PLEKHG3: variants seen among roughly 807,000 people sequenced by gnomAD.
The protein encoded by PLEKHG3 is pleckstrin homology domain-containing family G member 3.
In PLEKHG3, 62 loss-of-function variants were observed where a neutral mutation model predicts 94.9. The observed-to-expected ratio is 0.65, with a 90% CI of 0.53 to 0.81. PLEKHG3 has a LOEUF of 0.81. PLEKHG3 is among the 30% of genes least tolerant of loss of function. PLEKHG3 has a pLI of 0.00. For synonymous variants in PLEKHG3, 614 were observed against 654.0 expected, an observed-to-expected ratio of 0.94 and a Z score of 0.93; for missense variants, 1,461 against 1,619.3, an observed-to-expected ratio of 0.90 and a Z score of 1.68.
chr14:64,711,658 T>G (rs2081068248), intron 1 of PLEKHG3, among the ~76,000 whole-genome samples: 1 of 152,172 alleles, frequency 6.6e-6, no homozygotes, highest in Admixed American at 6.5e-5. Flanking sequence ...GTGATGCGCC[T>G]GCCTTGGCCT....
At chr14:64,735,231 G>A (rs191539216) in intron 12 of PLEKHG3, among the ~76,000 whole-genome samples, 44 of 152,250 alleles carry the variant, frequency 2.9e-4, no homozygotes, top group Admixed American at 1.4e-3. Context: ...CCTCTTCACG[G>A]TTCTTCTGTA....
Position 64,722,775 on chromosome 14 carries a change from C to T in PLEKHG3, c.-39-4818C>T, listed in dbSNP as rs1348104664. Among the ~76,000 whole-genome samples, 2 of 152,298 alleles carry T rather than the reference C, an allele frequency of 1.3e-5. No homozygotes were observed. Among genetic ancestry groups the T allele is most frequent in the South Asian group, 4.1e-4 (2 of 4,826 alleles). Reference sequence around the variant, plus strand: ...GGTTCACCCCCAAGTGTCCTCTTCCCCTCTCCTGCCTTGTCCTCAACTCAC... The same window carrying T: ...GGTTCACCCCCAAGTGTCCTCTTCCTCTCTCCTGCCTTGTCCTCAACTCAC... On this transcript the variant is annotated intron_variant, in intron 1 of 16. Transcript: ENST00000247226. This position sits in a 1 kb window ranked among gnomAD's most constrained non-coding sequence, Gnocchi z 4.3.
rs1252282893 is a variant in PLEKHG3, at chr14:64,704,650, C to G, written c.-94C>G. The G allele has an allele frequency of 4.6e-5, 7 of 152,606 alleles. No individual in the cohort carries two copies. The highest frequency in any genetic ancestry group is 1.7e-4 in the African/African-American group (7 of 41,474). The allele number at this position is 152,606 out of a possible 1,614,324, so 9.5% of individuals were successfully genotyped here. A position where few individuals can be genotyped will look rare whatever the true frequency, so the allele number is the denominator to read the frequency against. ...ACTCGCGCCCGCGTCGCGGCAGCACCTGGGCAGCCCCGCACGCCGTGCGCG... is the reference window on the plus strand; with the variant it reads ...ACTCGCGCCCGCGTCGCGGCAGCACGTGGGCAGCCCCGCACGCCGTGCGCG... On this transcript the variant is annotated 5_prime_UTR_variant, in exon 1 of 17. Transcript: ENST00000247226. This position sits in a 1 kb window ranked among gnomAD's most constrained non-coding sequence, Gnocchi z 5.6.
intron 12 of PLEKHG3, 102 bp downstream of exon 12, chr14:64,733,003 G>A (rs955287447): frequency 4.2e-5 from 30 of 709,540 alleles, no homozygotes; most frequent in African/African-American, 4.1e-4. Flanking sequence ...TCACCTCTGC[G>A]GAAACCCTGG....
At position 64,743,624 on chromosome 14, in the gene PLEKHG3, G is replaced by GGGACCC. The variant is rs1373993346; in HGVS notation, c.3584_3589dup (p.Asp1195_Pro1196dup). ...TGCCAGCCGAAGGAAGAGGGTTCCA[G>GGGACCC]GGACCCGGCAGACCCGAGCCAGCAG... On this transcript the variant is annotated inframe_insertion, in exon 17 of 17. Coordinates refer to ENST00000247226, the MANE Select transcript of PLEKHG3 (RefSeq NM_001308147.2). This position sits in a 1 kb window ranked among gnomAD's most constrained non-coding sequence, Gnocchi z 7.2. 6.8e-6 allele frequency: 11 copies of GGGACCC among 1,612,504 alleles called. No homozygotes were observed. Among genetic ancestry groups the GGGACCC allele is most frequent in the Non-Finnish European group, 9.3e-6 (11 of 1,179,872 alleles).
In PLEKHG3 at chr14:64,727,655, C is replaced by A; in HGVS notation, c.24C>A (p.His8Gln). 3.1e-6 allele frequency: 5 copies of A among 1,612,226 alleles called. No homozygotes were observed. The highest frequency in any genetic ancestry group is 4.2e-6 in the Non-Finnish European group (5 of 1,179,400). The stretch of plus-strand genomic sequence containing the variant: ...GGATGCCTGTGTCCACCTCCCTCCA[C>A]CAGGATGGCAGCCAGGAGCGGCCGG... MPVSTSL[H>Q]QDGSQERPVS... The change falls in exon 2 of 17, where the codon CAC becomes CAA. Residue 8 changes from histidine (H) to glutamine (Q), a missense_variant. His to Gln is a conservative substitution (Grantham distance 24, BLOSUM62 0). This residue lies in a region of PLEKHG3 where 253 missense variants were observed against 297.8 expected (regional missense o/e 0.85). Coordinates refer to ENST00000247226, the MANE Select transcript of PLEKHG3 (RefSeq NM_001308147.2). This position sits in a 1 kb window ranked among gnomAD's most constrained non-coding sequence, Gnocchi z 6.0.
chr14:64,739,459 C>A lies in PLEKHG3; in HGVS notation c.1518+604C>A, dbSNP rs1445750007. On this transcript the variant is annotated intron_variant, in intron 15 of 16. Coordinates refer to ENST00000247226, the MANE Select transcript of PLEKHG3 (RefSeq NM_001308147.2). This position sits in a 1 kb window ranked among gnomAD's most constrained non-coding sequence, Gnocchi z 4.1. ...TATGCTGTCTGTGGGTTGTAGGAAG[C>A]AGCATCCTTTACTTTCCCAAAGTTA... Among the ~76,000 whole-genome samples the A allele has an allele frequency of 1.3e-5, 2 of 152,196 alleles. No homozygotes were observed. Among genetic ancestry groups the A allele is most frequent in the Non-Finnish European group, 2.9e-5 (2 of 68,032 alleles).
rs753532468 is a variant in PLEKHG3 at position 64,744,553 on chromosome 14, C to A, written c.*850C>A. ...GCTTTTTCTTTCTGCTGCCTAGACT[C>A]CCATGGGCTTCTCTGTCTAGCAGCA... On this transcript the variant is annotated 3_prime_UTR_variant, in exon 17 of 17. Coordinates refer to ENST00000247226, the MANE Select transcript of PLEKHG3 (RefSeq NM_001308147.2). The A allele has an allele frequency of 3.3e-5, 5 of 152,124 alleles. No individual in the cohort carries two copies. The highest frequency in any genetic ancestry group is 6.5e-5 in the Admixed American group (1 of 15,272). 9.4% of individuals were successfully genotyped at this position (152,124 alleles called of 1,614,324 possible).
In PLEKHG3 at chr14:64,721,009, C is replaced by A. The variant is rs560675665; in HGVS notation, c.-39-6584C>A. ...AGCCTTATGATCACATCAGGCCCAC[C>A]GGGCTAATCCAGGATAATCTTCCAT... On this transcript the variant is annotated intron_variant, in intron 1 of 16. Coordinates refer to ENST00000247226, the MANE Select transcript of PLEKHG3 (RefSeq NM_001308147.2). The surrounding 1 kb of genome is among the most constrained non-coding windows in gnomAD (Gnocchi z 4.3). 6.6e-6 allele frequency among the ~76,000 whole-genome samples: 1 copy of A among 152,320 alleles called. No individual in the cohort carries two copies. Among genetic ancestry groups the A allele is most frequent in the African/African-American group, 2.4e-5 (1 of 41,566 alleles).
chr14:64,707,125 G>C (rs2080984439), intron 1 of PLEKHG3, among the ~76,000 whole-genome samples: 1 of 152,218 alleles, frequency 6.6e-6, no homozygotes, highest in Admixed American at 6.5e-5. Context: ...TTGTTCCGTG[G>C]CTGCAAACCC....
In PLEKHG3 at chr14:64,749,611, AC is replaced by A. The variant is rs2081911617; in HGVS notation, c.*5913del. On this transcript the variant is annotated 3_prime_UTR_variant, in exon 17 of 17. Transcript: ENST00000247226. This position sits in a 1 kb window ranked among gnomAD's most constrained non-coding sequence, Gnocchi z 4.7. Reference sequence around the variant, plus strand: ...GCAAGCGGCCTGGGGTCCTCCACCTACCCCCTTCTTAGCCAGGTCTGGGCTA... The same window carrying A: ...GCAAGCGGCCTGGGGTCCTCCACCTACCCCTTCTTAGCCAGGTCTGGGCTA... 3.1e-6 allele frequency: 5 copies of A among 1,611,634 alleles called. No individual in the cohort carries two copies. Among genetic ancestry groups the A allele is most frequent in the Middle Eastern group, 1.6e-4 (1 of 6,062 alleles).
rs542185000 is a variant in PLEKHG3 at position 64,743,774 on chromosome 14, C to A, written c.*71C>A. 5 of 1,468,220 alleles carry A rather than the reference C, an allele frequency of 3.4e-6. No individual in the cohort carries two copies. The South Asian group carries it at 4.2e-5, about 12-fold the overall frequency. The allele number at this position is 1,468,220 out of a possible 1,614,324, so 90.9% of individuals were successfully genotyped here. On this transcript the variant is annotated 3_prime_UTR_variant, in exon 17 of 17. Coordinates refer to ENST00000247226, the MANE Select transcript of PLEKHG3 (RefSeq NM_001308147.2). This position sits in a 1 kb window ranked among gnomAD's most constrained non-coding sequence, Gnocchi z 7.2. ...GAACCTGGGCATCCTTCCCCTCAAG[C>A]CTGGGCTCATGGAGCCCCTGCCCAG...
In PLEKHG3 at chr14:64,748,252, C is replaced by T. The variant is rs189289047; in HGVS notation, c.*4549C>T. On this transcript the variant is annotated 3_prime_UTR_variant, in exon 17 of 17. Transcript: ENST00000247226. ...CAGCCATTACCCTCCAAAGTCCCAG[C>T]TGCAGACAGGATGCAATTGAGCATT... 6.7e-6 allele frequency: 1 copy of T among 149,910 alleles called. No individual in the cohort carries two copies. Among genetic ancestry groups the T allele is most frequent in the African/African-American group, 2.5e-5 (1 of 39,268 alleles). 9.3% of individuals were successfully genotyped at this position (149,910 alleles called of 1,614,324 possible).
At position 64,731,686 on chromosome 14, in the gene PLEKHG3, C is replaced by A; in HGVS notation, c.1033-28C>A. ...GCTTCCCCAGGCTGTCAACCTTGTGCTTGACTGTCCTTTCCCTCTGCCCCT... is the reference window on the plus strand; with the variant it reads ...GCTTCCCCAGGCTGTCAACCTTGTGATTGACTGTCCTTTCCCTCTGCCCCT... On this transcript the variant is annotated intron_variant, in intron 8 of 16. Coordinates refer to ENST00000247226, the MANE Select transcript of PLEKHG3 (RefSeq NM_001308147.2). This position sits in a 1 kb window ranked among gnomAD's most constrained non-coding sequence, Gnocchi z 6.1. 6.4e-7 allele frequency: 1 copy of A among 1,566,652 alleles called. No homozygotes were observed. Among genetic ancestry groups the A allele is most frequent in the Non-Finnish European group, 8.8e-7 (1 of 1,136,702 alleles).
rs2081677236 is a variant in PLEKHG3, at chr14:64,741,074, A to G, written c.1557A>G (p.Val519=). ...CTGAGGCTGGGAGTGAGCAAGAGGTATTTTCTGCTGTGGAAGGGCCCAGTG... is the reference window on the plus strand; with the variant it reads ...CTGAGGCTGGGAGTGAGCAAGAGGTGTTTTCTGCTGTGGAAGGGCCCAGTG... ...PDPEAGSEQE[V]FSAVEGPSAE... Residue 519 remains valine, a synonymous_variant, in exon 16 of 17, where the codon GTA becomes GTG. Coordinates refer to ENST00000247226, the MANE Select transcript of PLEKHG3 (RefSeq NM_001308147.2). 2 of 1,607,574 alleles carry G rather than the reference A, an allele frequency of 1.2e-6. No homozygotes were observed. Among genetic ancestry groups the G allele is most frequent in the South Asian group, 2.2e-5 (2 of 90,720 alleles).
Position 64,750,234 on chromosome 14 carries a change from A to T in PLEKHG3, c.*6531A>T. ...TCAATTCCTATAGCTTCACCATTAA[A>T]AAAAATTACACCATGTTTGTTCTGA... On this transcript the variant is annotated 3_prime_UTR_variant, in exon 17 of 17. Transcript: ENST00000247226. 3 of 1,414,210 alleles carry T rather than the reference A, an allele frequency of 2.1e-6. No individual in the cohort carries two copies. The highest frequency in any genetic ancestry group is 2.9e-6 in the Non-Finnish European group (3 of 1,039,604). The allele number at this position is 1,414,210 out of a possible 1,614,324, so 87.6% of individuals were successfully genotyped here.
At chr14:64,737,288 T>C (rs2081589806) in intron 13 of PLEKHG3, 68 bp from the exon 14 acceptor site, 4 of 1,251,150 alleles carry the variant, frequency 3.2e-6, no homozygotes, top group African/African-American at 2.9e-5. Flanking sequence ...TCCTGCTTAC[T>C]GATCTCTTCC....
intron 1 of PLEKHG3, among the ~76,000 whole-genome samples, chr14:64,711,856 A>T (rs2081070623): frequency 6.6e-6 from 1 of 152,194 alleles, no homozygotes; most frequent in African/African-American, 2.4e-5. Context: ...GATGAAGTAC[A>T]ATTTATTTTT....
At chr14:64,706,820 C>T (rs1026486265) in intron 1 of PLEKHG3, among the ~76,000 whole-genome samples, 2 of 152,246 alleles carry the variant, frequency 1.3e-5, no homozygotes, top group Admixed American at 6.5e-5. Flanking sequence ...CAGAGGTATG[C>T]CTTGCCCGTT....
Sources: gnomAD v4.1 joint callset for allele counts (sites outside exome capture counted in the v4.1 genomes callset) on GRCh38, gnomAD v4.1.1 for gene constraint, gnomAD v4.1.1 regional missense constraint, Gnocchi (gnomAD v3.1) non-coding constraint, MANE v1.5 for transcripts, NCBI Gene and HGNC (gene_info 2026-07-23, HGNC 2026-07-21) for gene names.